Variants in CEP131 observed in about 807,000 individuals in gnomAD.
The protein encoded by CEP131 is centrosomal protein 131.
Under a neutral mutation model 136.8 loss-of-function variants are expected in CEP131, and 99 were observed. That is an observed-to-expected ratio of 0.72 (90% CI 0.62 to 0.86). The LOEUF (loss-of-function observed/expected upper bound fraction) is 0.86. Among genes scored for constraint, CEP131 ranks in the 40% least tolerant of loss-of-function variants. The pLI is 0.00. For synonymous variants in CEP131, 646 were observed against 612.7 expected (o/e 1.05, Z -0.80); for missense variants, 1,459 against 1,463.0 (o/e 1.00, Z 0.04).
intron 2 of CEP131, among the ~76,000 whole-genome samples, chr17:81,212,406 G>A (rs2062153061): frequency 6.6e-6 from 1 of 152,168 alleles, no homozygotes; most frequent in Admixed American, 6.5e-5. Context: ...GAGGTGGAGG[G>A]CGAGGTGCTG....
At chr17:81,218,968 C>A (rs1279581156) in intron 2 of CEP131, among the ~76,000 whole-genome samples, 2 of 152,248 alleles carry the variant, frequency 1.3e-5, no homozygotes. Flanking sequence ...AAGCCAAGGC[C>A]CCCAGGCCCT....
chr17:81,209,127 G>T, intron 2 of CEP131, 105 bp from the exon 3 acceptor site: 1 of 848,220 alleles, frequency 1.2e-6, no homozygotes, highest in East Asian at 2.7e-5. Context: ...CAGAGGGGTG[G>T]CCCTAGGGTT....
At chr17:81,210,070 G>A (rs970079218) in intron 2 of CEP131, among the ~76,000 whole-genome samples, 1 of 94,196 alleles carries the variant, frequency 1.1e-5, no homozygotes, top group African/African-American at 4.1e-5. Context: ...AGAGCGCTCG[G>A]AGAAGCGGAC....
At chr17:81,218,939 C>T (rs2062320510) in intron 2 of CEP131, among the ~76,000 whole-genome samples, 1 of 152,252 alleles carries the variant, frequency 6.6e-6, no homozygotes, top group South Asian at 2.1e-4. Context: ...CAGGGAGCCC[C>T]AGACCGGCTG....
intron 3 of CEP131, among the ~76,000 whole-genome samples, chr17:81,207,495 T>G (rs4992338): frequency 1.3e-5 from 2 of 151,290 alleles, no homozygotes; most frequent in African/African-American, 4.9e-5. Flanking sequence ...AGGGCCTTAT[T>G]TGTTTTTTCT....
chr17:81,202,292 C>T lies in CEP131; in HGVS notation c.736G>A (p.Gly246Ser), dbSNP rs958255580. Residue 246 changes from glycine (G) to serine (S), a missense_variant, in exon 7 of 26, where the codon GGC (glycine) becomes AGC (serine). Gly to Ser is a moderately conservative substitution (Grantham distance 56, BLOSUM62 0). Transcript: ENST00000450824. Reference sequence around the variant, plus strand: ...TTCCGCCTGGGCAAGCCCGTGCTGCCCCCAGTATTGTTCCGGGCTGAGTGG... The same window carrying T: ...TTCCGCCTGGGCAAGCCCGTGCTGCTCCCAGTATTGTTCCGGGCTGAGTGG... ...ATHSARNNTG[G>S]STGLPRRKEV... 6.2e-7 allele frequency: 1 copy of T among 1,613,244 alleles called. No homozygotes were observed. The highest frequency in any genetic ancestry group is 8.5e-7 in the Non-Finnish European group (1 of 1,179,848).
At chr17:81,193,465 C>G (rs956868780) in intron 18 of CEP131, among the ~76,000 whole-genome samples, 1 of 152,200 alleles carries the variant, frequency 6.6e-6, no homozygotes, top group African/African-American at 2.4e-5. Context: ...CTGACCACCA[C>G]TGGGCACGTC....
intron 1 of CEP131, among the ~76,000 whole-genome samples, chr17:81,221,813 G>A (rs1030173805): frequency 2.6e-5 from 4 of 152,200 alleles, no homozygotes; most frequent in Admixed American, 2.0e-4. Flanking sequence ...GCTGGCGCCA[G>A]GGACCAACCT....
rs756185994 is a variant in CEP131 at position 81,190,673 on chromosome 17, G to A, written c.3073C>T (p.Arg1025Cys). ...AKAELATLQA[R>C]QQLELEEVHR... ...ACCTCCTCCAGCTCCAGCTGCTGGCGGGCCTGCAGCGTGGCCAGCTCGGCC... is the reference window on the plus strand; with the variant it reads ...ACCTCCTCCAGCTCCAGCTGCTGGCAGGCCTGCAGCGTGGCCAGCTCGGCC... Residue 1025 changes from arginine (R) to cysteine (C), a missense_variant, in exon 24 of 26, where the codon CGC (arginine) becomes TGC (cysteine). This residue lies in a region of CEP131 where 1,026 missense variants were observed against 964.2 expected (regional missense o/e 1.06). Coordinates refer to ENST00000450824, the MANE Select transcript of CEP131 (RefSeq NM_014984.4). The A allele has an allele frequency of 9.4e-6, 15 of 1,599,592 alleles. 1 individual carries two copies. The highest frequency in any genetic ancestry group is 6.7e-5 in the South Asian group (6 of 90,166).
At chr17:81,200,881 T>C (rs1372056117) in intron 7 of CEP131, among the ~76,000 whole-genome samples, 1 of 152,070 alleles carries the variant, frequency 6.6e-6, no homozygotes, top group Non-Finnish European at 1.5e-5. Flanking sequence ...GGCAGGGCTA[T>C]GAGGGAACAG....
Position 81,192,411 on chromosome 17 carries a change from AG to A in CEP131, c.2548-20del. 1 of 1,611,266 alleles carries A rather than the reference AG, an allele frequency of 6.2e-7. No homozygotes were observed. The highest frequency in any genetic ancestry group is 8.5e-7 in the Non-Finnish European group (1 of 1,179,596). ...GCTCCATCTGGGGGGCGGACATAAG[AG>A]GCCAGTCAGTCCCACCCCGTGCAGC... is the stretch of plus-strand genomic sequence containing the variant. On this transcript the variant is annotated intron_variant, in intron 20 of 25. Coordinates refer to ENST00000450824, the MANE Select transcript of CEP131 (RefSeq NM_014984.4).
chr17:81,220,638 G>A (rs1005025866), intron 1 of CEP131, among the ~76,000 whole-genome samples: 11 of 152,148 alleles, frequency 7.2e-5, no homozygotes, highest in East Asian at 5.8e-4. Context: ...GGGATTACAG[G>A]TGCCCGCCAC....
In CEP131 at chr17:81,189,838, C is replaced by T. The variant is rs148601954; in HGVS notation, c.3174G>A (p.Ala1058=). The T allele has an allele frequency of 2.9e-5, 47 of 1,612,076 alleles. No homozygotes were observed. In the Middle Eastern group the frequency reaches 5.0e-4, roughly 17 times the overall value. The stretch of plus-strand genomic sequence containing the variant: ...CCTCCAGGTGGTCGGCCCGCTTCAC[C>T]GCAGCCTGCAGCACACCCACAGGGT... ...VSSLRTQHEA[A]VKRADHLEEL... The change falls in exon 26 of 26, where the codon GCG becomes GCA. Residue 1058 remains alanine (A), a synonymous_variant. Coordinates refer to ENST00000450824, the MANE Select transcript of CEP131 (RefSeq NM_014984.4).
chr17:81,198,070 G>A (rs376543870), intron 12 of CEP131, 45 bp downstream of exon 12: 92 of 1,512,344 alleles, frequency 6.1e-5, no homozygotes, highest in Non-Finnish European at 5.5e-5. Context: ...TGTGTGAATG[G>A]CGTGGGTGGA....
At chr17:81,216,658 C>T (rs901732540) in intron 2 of CEP131, among the ~76,000 whole-genome samples, 1 of 152,240 alleles carries the variant, frequency 6.6e-6, no homozygotes, top group Non-Finnish European at 1.5e-5. Flanking sequence ...AGAAACAGAA[C>T]AGTGGCCGCC....
rs751702189 is a variant in CEP131 at position 81,194,000 on chromosome 17, G to A, written c.2247C>T (p.Ala749=). ...ERASQRCLRQ[A]EELREQLERE... The stretch of plus-strand genomic sequence containing the variant: ...GCTCCAGCTGCTCCCGCAGCTCCTC[G>A]GCCTGGCGCAGGCAGCGCTGCGAGG... The change falls in exon 18 of 26, where the codon GCC becomes GCT. Residue 749 remains alanine, a synonymous_variant. Coordinates refer to ENST00000450824, the MANE Select transcript of CEP131 (RefSeq NM_014984.4). 1.5e-5 allele frequency: 24 copies of A among 1,556,076 alleles called. No homozygotes were observed. Among genetic ancestry groups the A allele is most frequent in the Non-Finnish European group, 2.0e-5 (23 of 1,151,316 alleles).
chr17:81,190,009 C>A, intron 24 of CEP131, 34 bp from the exon 25 acceptor site: 1 of 1,569,448 alleles, frequency 6.4e-7, no homozygotes, highest in African/African-American at 1.3e-5. Flanking sequence ...TCAGTGTGGC[C>A]CCCGCCCCAT....
rs988305183 is a variant in CEP131 at position 81,208,574 on chromosome 17, A to G, written c.272+354T>C. On this transcript the variant is annotated intron_variant, in intron 3 of 25. Transcript: ENST00000450824. The surrounding 1 kb of genome is among the most constrained non-coding windows in gnomAD (Gnocchi z 5.6). ...AGGGGCGCACAGCGTGGGGGTTCAGAAGGGTCACAGTGCTGCCCCTCTCGC... is the reference window on the plus strand; with the variant it reads ...AGGGGCGCACAGCGTGGGGGTTCAGGAGGGTCACAGTGCTGCCCCTCTCGC... Among the ~76,000 whole-genome samples, 4 of 152,154 alleles carry G rather than the reference A, an allele frequency of 2.6e-5. No individual in the cohort carries two copies. Among genetic ancestry groups the G allele is most frequent in the African/African-American group, 9.7e-5 (4 of 41,440 alleles).
chr17:81,213,616 T>TTCCAAATAAC (rs2062182001), intron 2 of CEP131, among the ~76,000 whole-genome samples: 1 of 151,560 alleles, frequency 6.6e-6, no homozygotes, highest in African/African-American at 2.4e-5. Flanking sequence ...TGTAGAAGAA[T>TTCCAAATAAC]TCCAAATAAC....
Sources: allele counts gnomAD v4.1 joint callset (sites outside exome capture counted in the v4.1 genomes callset), GRCh38; gene constraint gnomAD v4.1.1; regional missense constraint gnomAD v4.1.1; non-coding constraint Gnocchi (gnomAD v3.1); transcripts MANE v1.5; gene names NCBI Gene and HGNC (gene_info 2026-07-23, HGNC 2026-07-21).